Variants in PECR observed in about 807,000 individuals in gnomAD.
The protein encoded by PECR is 2,4-dienoyl-CoA reductase-related protein.
In PECR, 30 loss-of-function variants were observed where a neutral mutation model predicts 35.3. The ratio of observed to expected loss-of-function variants is 0.85; its 90% CI spans 0.64 to 1.15. The LOEUF is 1.15. Among genes scored for constraint, PECR ranks in the 50% most tolerant of loss-of-function variants. The pLI is 0.00. For synonymous variants in PECR, 148 were observed against 138.9 expected (o/e 1.07, Z -0.46); for missense variants, 392 against 370.8 (o/e 1.06, Z -0.47).
intron 4 of PECR, among the ~76,000 whole-genome samples, chr2:216,054,706 G>A (rs191774805): frequency 4.1e-4 from 62 of 152,232 alleles, no homozygotes; most frequent in African/African-American, 1.4e-3. Flanking sequence ...CAGAATATGA[G>A]TCAAATATGT....
intron 5 of PECR, among the ~76,000 whole-genome samples, chr2:216,050,047 G>A (rs1018362174): frequency 7.0e-4 from 107 of 152,144 alleles, no homozygotes; most frequent in African/African-American, 2.5e-3. Flanking sequence ...GGGAGACTAT[G>A]TCTCTACAAA....
chr2:216,034,175 C>T (rs912763985), downstream of PECR: 5 of 152,234 alleles, frequency 3.3e-5, no homozygotes, highest in Admixed American at 2.6e-4. Flanking sequence ...CAAGGTGGCA[C>T]TGCTTTGAGC....
intron 6 of PECR, among the ~76,000 whole-genome samples, chr2:216,047,242 G>A (rs1695013741): frequency 6.9e-6 from 1 of 144,498 alleles, no homozygotes; most frequent in Non-Finnish European, 1.5e-5. Context: ...TGGGCAAGAA[G>A]AGTGTAACTT....
chr2:216,042,419 C>G (rs561443290), intron 7 of PECR, among the ~76,000 whole-genome samples: 2 of 152,172 alleles, frequency 1.3e-5, no homozygotes, highest in Non-Finnish European at 2.9e-5. Context: ...TGAAAGAGTA[C>G]GTAGACCCTG....
intron 6 of PECR, among the ~76,000 whole-genome samples, chr2:216,045,752 T>C (rs1324504755): frequency 1.3e-5 from 2 of 152,228 alleles, no homozygotes; most frequent in African/African-American, 4.8e-5. Context: ...CCAATGAACA[T>C]GTTTGTTAAA....
chr2:216,056,735 A>T (rs2105955105), intron 4 of PECR, among the ~76,000 whole-genome samples: 1 of 151,638 alleles, frequency 6.6e-6, no homozygotes, highest in South Asian at 2.1e-4. Context: ...AAAAAAAAAA[A>T]AAAAAAAGGA....
In PECR at chr2:216,030,671, T is replaced by C. The variant is rs545908893; in HGVS notation, c.*440+8520A>G. On this transcript the variant is annotated intron_variant and NMD_transcript_variant, in intron 7 of 7. Transcript: ENST00000442122. Reference sequence around the variant, plus strand: ...GATTCTTGTGCCTCAGCCTGCTAAGTAGCTGGGATTATTAGCATGCACCAC... The same window carrying C: ...GATTCTTGTGCCTCAGCCTGCTAAGCAGCTGGGATTATTAGCATGCACCAC... Among the ~76,000 whole-genome samples, 61 of 151,938 alleles carry C rather than the reference T, an allele frequency of 4.0e-4. No homozygotes were observed. In the South Asian group the frequency reaches 0.013, roughly 32 times the overall value.
chr2:216,067,337 G>A (rs947949260), intron 1 of PECR, among the ~76,000 whole-genome samples: 1 of 152,118 alleles, frequency 6.6e-6, no homozygotes, highest in Non-Finnish European at 1.5e-5. Flanking sequence ...ATCAAACCCT[G>A]GCACTCACAC....
chr2:216,064,185 G>A (rs1164253030), intron 3 of PECR: 5 of 152,148 alleles, frequency 3.3e-5, no homozygotes, highest in African/African-American at 7.2e-5. Context: ...ACAAAGCTTG[G>A]GTTAGAGACC....
chr2:216,039,439 T>C, intron 7 of PECR, 79 bp from the exon 8 acceptor site: 2 of 829,304 alleles, frequency 2.4e-6, no homozygotes, highest in Non-Finnish European at 4.3e-6. Flanking sequence ...CTCTTGTTAA[T>C]TTCCCTGGTT....
intron 6 of PECR, among the ~76,000 whole-genome samples, chr2:216,048,619 A>C (rs1045460226): frequency 6.6e-6 from 1 of 151,938 alleles, no homozygotes; most frequent in Admixed American, 6.6e-5. Context: ...CTGGGGCAGG[A>C]GAATTGCTTG....
chr2:216,072,575 C>G (rs935653934), intron 1 of PECR, among the ~76,000 whole-genome samples: 2 of 152,110 alleles, frequency 1.3e-5, no homozygotes, highest in Non-Finnish European at 2.9e-5. Context: ...TCTGTATGTC[C>G]ATGTGTACCC....
chr2:216,037,166 G>A (rs370953999), downstream of PECR, among the ~76,000 whole-genome samples: 6 of 152,172 alleles, frequency 3.9e-5, no homozygotes, highest in East Asian at 9.6e-4. Context: ...TTTACTAAGC[G>A]TAGTTGCAAA....
At chr2:216,053,496 G>A (rs1050581628) in intron 4 of PECR, among the ~76,000 whole-genome samples, 1 of 151,018 alleles carries the variant, frequency 6.6e-6, no homozygotes, top group Non-Finnish European at 1.5e-5. Context: ...TGCCTGCCTC[G>A]GCCTCCCAAA....
chr2:216,071,123 G>T (rs910249415), intron 1 of PECR, among the ~76,000 whole-genome samples: 4 of 152,154 alleles, frequency 2.6e-5, no homozygotes, highest in African/African-American at 9.7e-5. Context: ...GGGATCCATG[G>T]GTCGCTCTAG....
At chr2:216,078,223 G>A (rs1268425846) in intron 1 of PECR, among the ~76,000 whole-genome samples, 1 of 152,114 alleles carries the variant, frequency 6.6e-6, no homozygotes, top group East Asian at 1.9e-4. Context: ...GCAGATCACT[G>A]GAGGTCCGAG....
At chr2:216,076,667 G>A (rs967766548) in intron 1 of PECR, among the ~76,000 whole-genome samples, 25 of 151,884 alleles carry the variant, frequency 1.6e-4, no homozygotes, top group African/African-American at 6.0e-4. Context: ...AGGCATGGTG[G>A]CACACACCTG....
chr2:216,037,034 T>A (rs1047828340), downstream of PECR, among the ~76,000 whole-genome samples: 1 of 152,174 alleles, frequency 6.6e-6, no homozygotes, highest in Non-Finnish European at 1.5e-5. Context: ...GTAAGCTCAG[T>A]AAGGACAAGA....
At position 216,030,948 on chromosome 2, in the gene PECR, T is replaced by A. The variant is rs937819870; in HGVS notation, c.*440+8243A>T. ...CCCATTCTCTCTCTCTCTCTCTCTC[T>A]CTCTCTCTCACACACACACACACAC... On this transcript the variant is annotated intron_variant and NMD_transcript_variant, in intron 7 of 7. Transcript: ENST00000442122. 9.9e-3 allele frequency among the ~76,000 whole-genome samples: 968 copies of A among 97,314 alleles called. 6 individuals are homozygous for A. Among genetic ancestry groups the A allele is most frequent in the Middle Eastern group, 0.019 (4 of 206 alleles). The allele number at this position is 97,314 out of a possible 152,430, so 63.8% of individuals were successfully genotyped here. A position where few individuals can be genotyped will look rare whatever the true frequency, so the allele number is the denominator to read the frequency against.
Sources: gnomAD v4.1 joint callset for allele counts (sites outside exome capture counted in the v4.1 genomes callset) on GRCh38, gnomAD v4.1.1 for gene constraint, MANE v1.5 for transcripts, NCBI Gene and HGNC (gene_info 2026-07-23, HGNC 2026-07-21) for gene names.